Variants in CFAP58 observed in about 807,000 individuals in gnomAD.
The protein encoded by CFAP58 is cilia- and flagella-associated protein 58.
In CFAP58, 88 loss-of-function variants were observed where a neutral mutation model predicts 119.5. The observed-to-expected ratio is 0.74, with a 90% CI of 0.62 to 0.88. The LOEUF (loss-of-function observed/expected upper bound fraction) is 0.88, where lower values mean the gene tolerates loss of function less well. Ranked by LOEUF, CFAP58 falls within the 40% of genes least tolerant of loss-of-function variation. The pLI, the probability that CFAP58 is intolerant of heterozygous loss-of-function variation, is 0.00. For synonymous variants in CFAP58, 365 were observed against 366.3 expected (o/e 1.00, Z 0.04); for missense variants, 990 against 1,021.2 (o/e 0.97, Z 0.42).
At chr10:104,366,061 C>G (rs2014743529) in intron 5 of CFAP58, 53 bp downstream of exon 5, 1 of 1,404,682 alleles carries the variant, frequency 7.1e-7, no homozygotes, top group Non-Finnish European at 9.5e-7. Flanking sequence ...AGAATGGCAC[C>G]TTTATTCACC....
chr10:104,406,212 T>G (rs772158650), intron 14 of CFAP58, among the ~76,000 whole-genome samples: 1 of 152,220 alleles, frequency 6.6e-6, no homozygotes, highest in African/African-American at 2.4e-5. Flanking sequence ...TATTTGGGCG[T>G]GATTCCGGCT....
At chr10:104,345,925 T>G in the CFAP58 span, among the ~76,000 whole-genome samples, 8 of 152,258 alleles carry the variant, frequency 5.3e-5, no homozygotes, top group South Asian at 1.4e-3. Flanking sequence ...TAAAATATAT[T>G]CACTGTGTTC....
At position 104,454,633 on chromosome 10, in the gene CFAP58, A is replaced by G. The variant is rs2013251853; in HGVS notation, c.*103A>G. On this transcript the variant is annotated 3_prime_UTR_variant, in exon 18 of 18. Coordinates refer to ENST00000369704, the MANE Select transcript of CFAP58 (RefSeq NM_001008723.2). Reference sequence around the variant, plus strand: ...TTGGATCATAGAACTGAGTGCTGAGAATCCAGGATGGAAAGAAATGCAGAA... The same window carrying G: ...TTGGATCATAGAACTGAGTGCTGAGGATCCAGGATGGAAAGAAATGCAGAA... 1 of 803,206 alleles carries G rather than the reference A, an allele frequency of 1.2e-6. No homozygotes were observed. Among genetic ancestry groups the G allele is most frequent in the Non-Finnish European group, 2.1e-6 (1 of 472,580 alleles). The allele number at this position is 803,206 out of a possible 1,614,324, so 49.8% of individuals were successfully genotyped here. A position where few individuals can be genotyped will look rare whatever the true frequency, so the allele number is the denominator to read the frequency against.
intron 12 of CFAP58, 63 bp from the exon 13 acceptor site, chr10:104,400,617 T>C (rs1366169231): frequency 7.7e-7 from 1 of 1,305,362 alleles, no homozygotes; most frequent in African/African-American, 1.5e-5. Context: ...TGAATGGTGC[T>C]GTCACAGTGA....
intron 15 of CFAP58, among the ~76,000 whole-genome samples, chr10:104,411,591 C>T (rs566005492): frequency 6.6e-6 from 1 of 151,918 alleles, no homozygotes; most frequent in East Asian, 1.9e-4. Flanking sequence ...AAGGGTATGT[C>T]CATTCATTTG....
At chr10:104,395,761 A>T (rs980283914) in intron 11 of CFAP58, among the ~76,000 whole-genome samples, 1 of 152,188 alleles carries the variant, frequency 6.6e-6, no homozygotes, top group African/African-American at 2.4e-5. Flanking sequence ...AGAGACATTT[A>T]TCTCATTATT....
At chr10:104,432,580 A>G (rs1017795106) in intron 15 of CFAP58, among the ~76,000 whole-genome samples, 3 of 151,674 alleles carry the variant, frequency 2.0e-5, no homozygotes, top group African/African-American at 7.3e-5. Flanking sequence ...TTGGCCCACT[A>G]CATTCTCCGC....
chr10:104,360,341 C>G (rs1389691495), intron 2 of CFAP58, among the ~76,000 whole-genome samples: 2 of 151,788 alleles, frequency 1.3e-5, no homozygotes, highest in Non-Finnish European at 2.9e-5. Flanking sequence ...GCAGGCTGTC[C>G]AGGAAGCATA....
At chr10:104,382,476 T>C (rs1205602098) in intron 9 of CFAP58, 3 of 397,930 alleles carry the variant, frequency 7.5e-6, no homozygotes, top group East Asian at 8.6e-5. Context: ...TTATTATTAC[T>C]CTGGATATAA....
intron 1 of CFAP58, 102 bp downstream of exon 1, chr10:104,354,008 A>C: frequency 7.0e-7 from 1 of 1,423,204 alleles, no homozygotes; most frequent in Non-Finnish European, 9.8e-7. Context: ...ATTTCCCCCC[A>C]TCAACATCTT....
At chr10:104,374,379 A>G (rs866377984) in intron 7 of CFAP58, among the ~76,000 whole-genome samples, 3 of 138,792 alleles carry the variant, frequency 2.2e-5, no homozygotes, top group African/African-American at 7.9e-5. Context: ...GGGGGCTGAG[A>G]GGCAGAGGTT....
intron 15 of CFAP58, among the ~76,000 whole-genome samples, chr10:104,429,870 C>CA (rs1554924378): frequency 7.8e-6 from 1 of 128,444 alleles, no homozygotes; most frequent in Non-Finnish European, 1.6e-5. Context: ...AATATAAACT[C>CA]ATTTTTTTTT....
chr10:104,443,389 A>G (rs1235522200), intron 15 of CFAP58, among the ~76,000 whole-genome samples: 2 of 152,164 alleles, frequency 1.3e-5, no homozygotes, highest in Non-Finnish European at 2.9e-5. Flanking sequence ...GTAGGTGTAG[A>G]TAAGCATGTG....
chr10:104,437,930 T>G (rs2012960414), intron 15 of CFAP58, among the ~76,000 whole-genome samples: 2 of 152,182 alleles, frequency 1.3e-5, no homozygotes, highest in Admixed American at 1.3e-4. Flanking sequence ...TTATATATCT[T>G]TCTATATCCA....
intron 17 of CFAP58, 104 bp downstream of exon 17, chr10:104,450,308 A>G: frequency 8.6e-7 from 1 of 1,168,590 alleles, no homozygotes; most frequent in African/African-American, 1.5e-5. Flanking sequence ...GGGGTAAACT[A>G]AATCACAGGG....
At chr10:104,359,626 G>A (rs2014640097) in intron 2 of CFAP58, among the ~76,000 whole-genome samples, 1 of 152,026 alleles carries the variant, frequency 6.6e-6, no homozygotes, top group South Asian at 2.1e-4. Context: ...GTGAAACCCC[G>A]TCTCTACCAA....
the CFAP58 span, among the ~76,000 whole-genome samples, chr10:104,345,974 G>A: frequency 6.6e-6 from 1 of 152,044 alleles, no homozygotes; most frequent in African/African-American, 2.4e-5. Context: ...CTGAGACTGG[G>A]TAATTTATAA....
At chr10:104,397,390 C>T (rs2012183336) in intron 11 of CFAP58, among the ~76,000 whole-genome samples, 1 of 152,006 alleles carries the variant, frequency 6.6e-6, no homozygotes. Flanking sequence ...ATAAAAGAAA[C>T]CCTTTGTTTT....
chr10:104,361,703 T>G (rs1412272334), intron 2 of CFAP58, among the ~76,000 whole-genome samples: 1 of 152,218 alleles, frequency 6.6e-6, no homozygotes, highest in Non-Finnish European at 1.5e-5. Context: ...TTTACTTTTT[T>G]GAGACAGGGT....
Sources: allele counts gnomAD v4.1 joint callset (sites outside exome capture counted in the v4.1 genomes callset), GRCh38; gene constraint gnomAD v4.1.1; transcripts MANE v1.5; gene names NCBI Gene and HGNC (gene_info 2026-07-23, HGNC 2026-07-21).